SPOCK1: variants seen among roughly 807,000 people sequenced by gnomAD.
SPOCK1 encodes the protein testican-1.
SPOCK1 carries 23 observed loss-of-function variants against 55.3 expected under a neutral mutation model. The observed-to-expected ratio is 0.42, with a 90% confidence interval of 0.30 to 0.59. The LOEUF is 0.59. SPOCK1 is among the 20% of genes least tolerant of loss of function. SPOCK1 has a pLI of 0.22. For missense variants in SPOCK1, 499 were observed against 552.5 expected (o/e 0.90, Z 0.97); for synonymous variants, 226 against 221.0 (o/e 1.02, Z -0.20).
intron 2 of SPOCK1, among the ~76,000 whole-genome samples, chr5:137,423,811 C>T (rs941097174): frequency 9.2e-5 from 14 of 152,230 alleles, no homozygotes; most frequent in African/African-American, 3.4e-4. Flanking sequence ...TTCCAACACT[C>T]CCCAGTGAGA....
rs779998344 is a variant in SPOCK1, at chr5:136,978,617, A to G, written c.*37T>C. ...ATGCAGGAATAGGAAGTGACTTGCA[A>G]TTTTGTGCAAAACTTGTGTCCTCTT... On this transcript the variant is annotated 3_prime_UTR_variant, in exon 11 of 11. Coordinates refer to ENST00000394945, the MANE Select transcript of SPOCK1 (RefSeq NM_004598.4). The G allele has an allele frequency of 2.6e-6, 4 of 1,556,012 alleles. No homozygotes were observed. In the East Asian group the frequency reaches 9.0e-5, roughly 35 times the overall value.
intron 2 of SPOCK1, among the ~76,000 whole-genome samples, chr5:137,430,298 T>C (rs942976443): frequency 2.6e-5 from 4 of 152,222 alleles, no homozygotes; most frequent in Non-Finnish European, 5.9e-5. Context: ...AAAGGCTCTA[T>C]TCACAGGTGG....
At chr5:136,984,464 C>T (rs796252985) in intron 9 of SPOCK1, among the ~76,000 whole-genome samples, 5 of 152,144 alleles carry the variant, frequency 3.3e-5, no homozygotes, top group African/African-American at 1.2e-4. Context: ...CTCCTTTCTT[C>T]AGCAAACCAA....
intron 5 of SPOCK1, among the ~76,000 whole-genome samples, chr5:137,079,786 C>G (rs1301236778): frequency 2.0e-5 from 3 of 151,958 alleles, no homozygotes; most frequent in African/African-American, 4.8e-5. Flanking sequence ...TTTTCCCATC[C>G]CAAACCTTCC....
In SPOCK1 at chr5:137,432,100, C is replaced by G. The variant is rs536075346; in HGVS notation, c.186+66273G>C. Among the ~76,000 whole-genome samples the G allele has an allele frequency of 1.4e-4, 21 of 152,194 alleles. No individual in the cohort carries two copies. The East Asian group carries it at 3.7e-3, about 27-fold the overall frequency. On this transcript the variant is annotated intron_variant, in intron 2 of 10. Coordinates refer to ENST00000394945, the MANE Select transcript of SPOCK1 (RefSeq NM_004598.4). Reference sequence around the variant, plus strand: ...GTTATTACATAAAACAAAAACGAACCCAGAAAATAACAAGTGTTGGTATGA... The same window carrying G: ...GTTATTACATAAAACAAAAACGAACGCAGAAAATAACAAGTGTTGGTATGA...
chr5:137,425,523 A>G (rs1189946129), intron 2 of SPOCK1, among the ~76,000 whole-genome samples: 1 of 152,174 alleles, frequency 6.6e-6, no homozygotes, highest in African/African-American at 2.4e-5. Context: ...AATGTTGCTG[A>G]ATCACAATAT....
chr5:137,338,544 T>A (rs893192640), intron 2 of SPOCK1, among the ~76,000 whole-genome samples: 3 of 152,016 alleles, frequency 2.0e-5, no homozygotes, highest in African/African-American at 7.3e-5. Flanking sequence ...AGTAATGGGA[T>A]GGCTGGGTCA....
At chr5:137,267,177 A>C in intron 2 of SPOCK1, 122 bp from the exon 3 acceptor site, 1 of 785,596 alleles carries the variant, frequency 1.3e-6, no homozygotes, top group Non-Finnish European at 2.1e-6. Context: ...AAGCTTAGAA[A>C]TTTTTCCCAA....
chr5:137,410,176 G>A (rs1159385586), intron 2 of SPOCK1, among the ~76,000 whole-genome samples: 2 of 152,162 alleles, frequency 1.3e-5, no homozygotes, highest in East Asian at 3.8e-4. Context: ...TTATTATCAT[G>A]CTCCTGATAT....
chr5:137,423,198 G>A (rs1011718331), intron 2 of SPOCK1, among the ~76,000 whole-genome samples: 3 of 152,316 alleles, frequency 2.0e-5, no homozygotes, highest in East Asian at 3.9e-4. Flanking sequence ...TGCCCCTACT[G>A]GGGGGTGCCT....
chr5:137,479,898 T>C (rs1449201359), intron 2 of SPOCK1, among the ~76,000 whole-genome samples: 2 of 152,070 alleles, frequency 1.3e-5, no homozygotes, highest in Admixed American at 6.6e-5. Context: ...AGAAATTATA[T>C]AGTAGGCAAG....
intron 6 of SPOCK1, among the ~76,000 whole-genome samples, chr5:137,029,436 G>C (rs1751735653): frequency 6.6e-6 from 1 of 152,152 alleles, no homozygotes; most frequent in Non-Finnish European, 1.5e-5. Context: ...TAATCATCTT[G>C]ACTGATCCTT....
At chr5:137,231,048 C>CT (rs11367897) in intron 3 of SPOCK1, among the ~76,000 whole-genome samples, 25,140 of 148,092 alleles carry the variant, frequency 0.17, 2,328 homozygotes, top group South Asian at 0.26. Context: ...GTGTTACCCC[C>CT]TTTTTTTTTT....
At chr5:137,064,135 A>G (rs1400170821) in intron 6 of SPOCK1, among the ~76,000 whole-genome samples, 1 of 152,134 alleles carries the variant, frequency 6.6e-6, no homozygotes, top group Non-Finnish European at 1.5e-5. Flanking sequence ...CTAACTGAAG[A>G]TGTTAAGAAC....
At chr5:137,045,299 G>A (rs1752088774) in intron 6 of SPOCK1, among the ~76,000 whole-genome samples, 1 of 52,490 alleles carries the variant, frequency 1.9e-5, no homozygotes, top group Non-Finnish European at 3.5e-5. Flanking sequence ...ATCCTCTCCA[G>A]CACCTGTTGT....
chr5:137,293,591 G>C (rs544110943), intron 2 of SPOCK1, among the ~76,000 whole-genome samples: 61 of 152,198 alleles, frequency 4.0e-4, no homozygotes, highest in African/African-American at 1.4e-3. Context: ...CCTCCCCAGT[G>C]TGAGTGTGCT....
At chr5:137,077,277 A>G (rs1194551692) in intron 5 of SPOCK1, among the ~76,000 whole-genome samples, 1 of 152,202 alleles carries the variant, frequency 6.6e-6, no homozygotes, top group Non-Finnish European at 1.5e-5. Flanking sequence ...GTCCAGTGCT[A>G]TGTGTAATGA....
At chr5:137,402,695 G>A (rs1198804205) in intron 2 of SPOCK1, among the ~76,000 whole-genome samples, 3 of 152,138 alleles carry the variant, frequency 2.0e-5, no homozygotes, top group African/African-American at 4.8e-5. Flanking sequence ...TTGAAATCAC[G>A]TCATATTTCA....
At chr5:137,195,947 A>C (rs1755290653) in intron 3 of SPOCK1, among the ~76,000 whole-genome samples, 1 of 152,158 alleles carries the variant, frequency 6.6e-6, no homozygotes, top group African/African-American at 2.4e-5. Context: ...CAGAGTCACT[A>C]AGATACCTCA....
Sources: gnomAD v4.1 joint callset for allele counts (sites outside exome capture counted in the v4.1 genomes callset) on GRCh38, gnomAD v4.1.1 for gene constraint, MANE v1.5 for transcripts, NCBI Gene and HGNC (gene_info 2026-07-23, HGNC 2026-07-21) for gene names.